The following UBE2H variants were observed in gnomAD, a reference collection of about 807,000 sequenced individuals.
UBE2H encodes ubiquitin-conjugating enzyme E2 H.
A neutral mutation model predicts 29.0 loss-of-function variants in UBE2H; 3 were observed. That is an observed-to-expected ratio of 0.10 (90% CI 0.05 to 0.27). The LOEUF is 0.27. UBE2H is among the 10% of genes least tolerant of loss of function. The pLI is 1.00. For missense variants in UBE2H, 68 were observed against 228.2 expected (o/e 0.30, Z 4.52); for synonymous variants, 69 against 82.9 (o/e 0.83, Z 0.91).
At chr7:129,881,225 TA>T (rs1160436624) in intron 1 of UBE2H, among the ~76,000 whole-genome samples, 1 of 152,226 alleles carries the variant, frequency 6.6e-6, no homozygotes, top group Non-Finnish European at 1.5e-5. Flanking sequence ...CTAGCCAAAA[TA>T]ATGTCAGTTT....
intron 1 of UBE2H, among the ~76,000 whole-genome samples, chr7:129,890,349 G>GTATATATAGAA (rs1806457160): frequency 6.6e-6 from 1 of 151,228 alleles, no homozygotes; most frequent in Admixed American, 6.6e-5. Context: ...ATATATGTAT[G>GTATATATAGAA]TATATATACA....
chr7:129,949,178 G>A (rs143788919), intron 1 of UBE2H: 9 of 332,608 alleles, frequency 2.7e-5, no homozygotes, highest in East Asian at 8.5e-5. Flanking sequence ...AAGGAAACCC[G>A]TGTAATCTGA....
intron 1 of UBE2H, among the ~76,000 whole-genome samples, chr7:129,897,814 TCTAA>T (rs1233052981): frequency 6.6e-6 from 1 of 152,144 alleles, no homozygotes; most frequent in East Asian, 1.9e-4. Flanking sequence ...CAAAAAGTAA[TCTAA>T]AGAGATATAG....
At chr7:129,886,028 A>C (rs1354715954) in intron 1 of UBE2H, among the ~76,000 whole-genome samples, 1 of 152,254 alleles carries the variant, frequency 6.6e-6, no homozygotes, top group Non-Finnish European at 1.5e-5. Flanking sequence ...TGTGCTGGTC[A>C]GGCTGGGAGA....
chr7:129,912,643 G>A (rs1394701558), intron 1 of UBE2H, among the ~76,000 whole-genome samples: 5 of 152,186 alleles, frequency 3.3e-5, no homozygotes, highest in African/African-American at 7.2e-5. Flanking sequence ...CTTGTGTTAC[G>A]TAGGTGCTCA....
intron 1 of UBE2H, 117 bp downstream of exon 1, chr7:129,952,386 G>T (rs1807896026): frequency 4.7e-6 from 6 of 1,279,462 alleles, no homozygotes; most frequent in African/African-American, 1.5e-5. Context: ...GGGGAGGAGG[G>T]GAGTCTCGGA....
intron 1 of UBE2H, among the ~76,000 whole-genome samples, chr7:129,942,643 C>T (rs529980249): frequency 6.6e-6 from 1 of 152,168 alleles, no homozygotes; most frequent in African/African-American, 2.4e-5. Context: ...CAACAGAGTG[C>T]TCCAGAAATA....
At chr7:129,853,634 A>G (rs1044710830) in intron 5 of UBE2H, among the ~76,000 whole-genome samples, 1 of 152,256 alleles carries the variant, frequency 6.6e-6, no homozygotes, top group Non-Finnish European at 1.5e-5. Flanking sequence ...AACCACAATT[A>G]TACCAATTTT....
intron 1 of UBE2H, among the ~76,000 whole-genome samples, chr7:129,894,079 T>C (rs1806553095): frequency 6.6e-6 from 1 of 152,206 alleles, no homozygotes; most frequent in African/African-American, 2.4e-5. Flanking sequence ...TGCTTGAGCC[T>C]GGGAGGCAGA....
intron 5 of UBE2H, among the ~76,000 whole-genome samples, chr7:129,849,663 C>T (rs1012274624): frequency 6.6e-6 from 1 of 152,160 alleles, no homozygotes; most frequent in Non-Finnish European, 1.5e-5. Context: ...GTTTTGAGGG[C>T]ACACAGGTGG....
At chr7:129,895,884 A>C (rs1806590886) in intron 1 of UBE2H, among the ~76,000 whole-genome samples, 1 of 150,264 alleles carries the variant, frequency 6.7e-6, no homozygotes, top group Non-Finnish European at 1.5e-5. Flanking sequence ...TCAGAAAAAA[A>C]CAACAGAAAA....
At chr7:129,864,444 A>G (rs1157828302) in intron 3 of UBE2H, among the ~76,000 whole-genome samples, 2 of 152,202 alleles carry the variant, frequency 1.3e-5, no homozygotes, top group African/African-American at 4.8e-5. Flanking sequence ...TTTTAAGAGA[A>G]CATATTTTGA....
chr7:129,908,610 T>G (rs2116441153), intron 1 of UBE2H, among the ~76,000 whole-genome samples: 1 of 152,392 alleles, frequency 6.6e-6, no homozygotes, highest in African/African-American at 2.4e-5. Flanking sequence ...GTCAGTCACT[T>G]AAGAATAAAA....
intron 3 of UBE2H, among the ~76,000 whole-genome samples, chr7:129,877,225 T>C (rs567159853): frequency 1.3e-5 from 2 of 152,182 alleles, no homozygotes; most frequent in Non-Finnish European, 2.9e-5. Context: ...TGATCTAAAT[T>C]TGCACAGCTG....
At chr7:129,934,953 G>T (rs1807493561) in intron 1 of UBE2H, among the ~76,000 whole-genome samples, 1 of 150,442 alleles carries the variant, frequency 6.6e-6, no homozygotes, top group South Asian at 2.1e-4. Context: ...ATATGTGTGT[G>T]TGTGTATATA....
chr7:129,903,746 A>C (rs1806762840), intron 1 of UBE2H, among the ~76,000 whole-genome samples: 1 of 152,198 alleles, frequency 6.6e-6, no homozygotes, highest in Non-Finnish European at 1.5e-5. Flanking sequence ...TATTTAAAAA[A>C]CAAAACAAAA....
rs1207899389 is a variant in UBE2H, at chr7:129,952,573, T to C, written c.-18A>G. The C allele has an allele frequency of 1.9e-6, 3 of 1,607,254 alleles. No homozygotes were observed. Among genetic ancestry groups the C allele is most frequent in the Middle Eastern group, 3.3e-4 (2 of 5,996 alleles). On this transcript the variant is annotated 5_prime_UTR_variant, in exon 1 of 7. Coordinates refer to ENST00000355621, the MANE Select transcript of UBE2H (RefSeq NM_003344.4). The stretch of plus-strand genomic sequence containing the variant: ...GATGACATGGTGTCGCCGCCGCCTC[T>C]CTCCCTTCCTCGGCCCGTCTGTCAC...
intron 6 of UBE2H, among the ~76,000 whole-genome samples, chr7:129,837,820 A>G (rs911901765): frequency 6.6e-5 from 10 of 152,342 alleles, no homozygotes; most frequent in African/African-American, 2.2e-4. Context: ...GGAAGACAAA[A>G]TGATAGCCAA....
chr7:129,898,546 A>T lies in UBE2H; in HGVS notation c.54-17575T>A, dbSNP rs373094727. 5.3e-5 allele frequency among the ~76,000 whole-genome samples: 8 copies of T among 152,354 alleles called. No individual in the cohort carries two copies. In the East Asian group the frequency reaches 7.7e-4, roughly 15 times the overall value. On this transcript the variant is annotated intron_variant, in intron 1 of 6. Transcript: ENST00000355621. ...TATGAAAAAAATCAAGCTATTTAGCAAAACAACAGAAAACAAACCTAGACA... is the reference window on the plus strand; with the variant it reads ...TATGAAAAAAATCAAGCTATTTAGCTAAACAACAGAAAACAAACCTAGACA...
Sources: gnomAD v4.1 joint callset for allele counts (sites outside exome capture counted in the v4.1 genomes callset) on GRCh38, gnomAD v4.1.1 for gene constraint, MANE v1.5 for transcripts, NCBI Gene and HGNC (gene_info 2026-07-23, HGNC 2026-07-21) for gene names.